The following NRXN3 variants were observed in gnomAD, a reference collection of about 807,000 sequenced individuals.
NRXN3 encodes neurexin III.
NRXN3 carries 32 observed loss-of-function variants against 137.6 expected under a neutral mutation model. The observed-to-expected ratio is 0.23, with a 90% CI of 0.18 to 0.31. NRXN3 has a LOEUF of 0.31. Among genes scored for constraint, NRXN3 ranks in the 10% least tolerant of loss-of-function variants. The pLI is 1.00. For missense variants in NRXN3, 1,574 were observed against 2,062.5 expected, an observed-to-expected ratio of 0.76 and a Z score of 4.59; for synonymous variants, 798 against 784.5, an observed-to-expected ratio of 1.02 and a Z score of -0.29.
intron 10 of NRXN3, among the ~76,000 whole-genome samples, chr14:78,882,133 A>G (rs1411897381): frequency 1.3e-5 from 2 of 151,872 alleles, no homozygotes; most frequent in African/African-American, 4.9e-5. Context: ...ACTTCTGCCT[A>G]GATTTCAGAG....
intron 8 of NRXN3, among the ~76,000 whole-genome samples, chr14:78,792,364 T>C (rs571239312): frequency 5.1e-5 from 7 of 136,086 alleles, no homozygotes; most frequent in African/African-American, 2.0e-4. Context: ...TGGCTAAAAA[T>C]TGAAATATTG....
At chr14:78,503,413 G>A (rs77579012) in intron 4 of NRXN3, among the ~76,000 whole-genome samples, 5,447 of 152,196 alleles carry the variant, frequency 0.036, 287 homozygotes, top group African/African-American at 0.12. Context: ...ACAGGCAAGA[G>A]GTAGAGGCTC....
intron 15 of NRXN3, among the ~76,000 whole-genome samples, chr14:79,336,378 C>T (rs528141858): frequency 5.3e-5 from 8 of 152,238 alleles, no homozygotes; most frequent in South Asian, 4.1e-4. Context: ...AAAAGAAAAC[C>T]GGGCACTGAG....
chr14:79,848,969 A>G (rs752236717), intron 20 of NRXN3, among the ~76,000 whole-genome samples: 1 of 152,062 alleles, frequency 6.6e-6, no homozygotes, highest in South Asian at 2.1e-4. Flanking sequence ...ATGTCCTCCA[A>G]ATTTTCTCAT....
chr14:79,354,114 A>C (rs2093333190), intron 15 of NRXN3, among the ~76,000 whole-genome samples: 1 of 152,164 alleles, frequency 6.6e-6, no homozygotes, highest in Non-Finnish European at 1.5e-5. Context: ...GCTTCATAAA[A>C]GTCAAATGTT....
chr14:78,403,747 A>T, intron 4 of NRXN3: 1 of 985,442 alleles, frequency 1.0e-6, no homozygotes, highest in Non-Finnish European at 1.2e-6. Context: ...TCCGGGAGAG[A>T]CACAGGACTG....
At chr14:79,285,380 C>G (rs568607495) in intron 15 of NRXN3, among the ~76,000 whole-genome samples, 35 of 152,290 alleles carry the variant, frequency 2.3e-4, no homozygotes, top group African/African-American at 8.2e-4. Context: ...AAGCAAATCT[C>G]TGAAGATAAA....
intron 4 of NRXN3, among the ~76,000 whole-genome samples, chr14:78,501,104 A>G (rs960148179): frequency 6.6e-6 from 1 of 152,176 alleles, no homozygotes; most frequent in African/African-American, 2.4e-5. Context: ...AGTTTATGTT[A>G]GTTATCTATG....
chr14:79,364,035 C>T lies in NRXN3; in HGVS notation c.3263-103186C>T, dbSNP rs374044694. On this transcript the variant is annotated intron_variant, in intron 15 of 20. Transcript: ENST00000335750. ...GTGTCAGCAGTCAGTGTGTATGAAC[C>T]TAGTGATGGATGTCTCTGTGTTTGT... is the stretch of plus-strand genomic sequence containing the variant. 1.2e-4 allele frequency among the ~76,000 whole-genome samples: 19 copies of T among 152,220 alleles called. 1 individual carries two copies. The East Asian group carries it at 2.3e-3, about 19-fold the overall frequency.
intron 15 of NRXN3, among the ~76,000 whole-genome samples, chr14:79,048,484 T>C (rs2099636371): frequency 6.6e-6 from 1 of 152,232 alleles, no homozygotes; most frequent in African/African-American, 2.4e-5. Flanking sequence ...TCCCAGTGCA[T>C]ATAAAAGTTA....
intron 10 of NRXN3, among the ~76,000 whole-genome samples, chr14:78,952,183 A>G (rs545117079): frequency 7.6e-4 from 116 of 152,252 alleles, no homozygotes; most frequent in South Asian, 4.6e-3. Context: ...GAAATGAACT[A>G]TTTGAGGTGT....
chr14:79,112,994 GA>G (rs2053809630), intron 15 of NRXN3, among the ~76,000 whole-genome samples: 1 of 152,150 alleles, frequency 6.6e-6, no homozygotes, highest in African/African-American at 2.4e-5. Flanking sequence ...AGTGATACAT[GA>G]GTTGTTCACA....
intron 15 of NRXN3, among the ~76,000 whole-genome samples, chr14:79,323,388 A>G (rs1407486822): frequency 1.3e-5 from 2 of 152,114 alleles, no homozygotes; most frequent in Non-Finnish European, 2.9e-5. Context: ...GTACAGATTT[A>G]TTTGGAAGAA....
At chr14:79,454,033 T>A (rs991083367) in intron 15 of NRXN3, among the ~76,000 whole-genome samples, 1 of 152,166 alleles carries the variant, frequency 6.6e-6, no homozygotes, top group Admixed American at 6.5e-5. Context: ...ATCAATGTAG[T>A]CATTCTCCAA....
At chr14:78,578,716 T>C (rs2096961566) in intron 4 of NRXN3, among the ~76,000 whole-genome samples, 1 of 152,096 alleles carries the variant, frequency 6.6e-6, no homozygotes, top group Non-Finnish European at 1.5e-5. Context: ...TAAAGTCAGA[T>C]GTTAAATTTT....
chr14:79,215,747 A>G (rs1194828475), intron 15 of NRXN3, among the ~76,000 whole-genome samples: 1 of 152,192 alleles, frequency 6.6e-6, no homozygotes, highest in Non-Finnish European at 1.5e-5. Flanking sequence ...TTGGGTGGGG[A>G]CATAGACAAA....
intron 4 of NRXN3, among the ~76,000 whole-genome samples, chr14:78,413,637 C>A (rs943646753): frequency 2.0e-5 from 3 of 152,160 alleles, no homozygotes; most frequent in African/African-American, 7.2e-5. Context: ...GGTGTAACCT[C>A]CCAGATGTCT....
chr14:78,225,953 GT>G lies in NRXN3; in HGVS notation c.-703-16437del, dbSNP rs200250023. 8.4e-5 allele frequency among the ~76,000 whole-genome samples: 6 copies of G among 71,448 alleles called. 1 individual carries two copies. Among genetic ancestry groups the G allele is most frequent in the South Asian group, 9.0e-4 (2 of 2,210 alleles). The allele number at this position is 71,448 out of a possible 152,430, so 46.9% of individuals were successfully genotyped here. The stretch of plus-strand genomic sequence containing the variant: ...CTAGCAAGTAGCAGGTGTTTTTTTG[GT>G]GTGTGTGTGTGTGTGTGTTGGTGTG... On this transcript the variant is annotated intron_variant, in intron 1 of 20. Transcript: ENST00000335750.
intron 15 of NRXN3, among the ~76,000 whole-genome samples, chr14:79,114,135 A>T (rs1020029633): frequency 6.6e-6 from 1 of 152,082 alleles, no homozygotes; most frequent in South Asian, 2.1e-4. Flanking sequence ...ATGTCTGGAG[A>T]TGTGTTTAGT....
Sources: allele counts gnomAD v4.1 joint callset (sites outside exome capture counted in the v4.1 genomes callset), GRCh38; gene constraint gnomAD v4.1.1; transcripts MANE v1.5; gene names NCBI Gene and HGNC (gene_info 2026-07-23, HGNC 2026-07-21).